The following KDM4C variants were observed in gnomAD, a reference collection of about 807,000 sequenced individuals.
The protein encoded by KDM4C is lysine demethylase 4C.
Under a neutral mutation model 129.3 loss-of-function variants are expected in KDM4C, and 81 were observed. The observed-to-expected ratio is 0.63, with a 90% confidence interval of 0.52 to 0.75. The LOEUF (loss-of-function observed/expected upper bound fraction) is 0.75. Ranked by LOEUF, KDM4C falls within the 30% of genes least tolerant of loss-of-function variation. KDM4C has a pLI of 0.00. For synonymous variants in KDM4C, 573 were observed against 456.1 expected, an observed-to-expected ratio of 1.26 and a Z score of -3.26; for missense variants, 1,457 against 1,304.0, an observed-to-expected ratio of 1.12 and a Z score of -1.81.
intron 17 of KDM4C, among the ~76,000 whole-genome samples, chr9:7,094,032 C>T (rs1189664682): frequency 6.6e-6 from 1 of 152,210 alleles, no homozygotes; most frequent in Non-Finnish European, 1.5e-5. Flanking sequence ...AAACCTCTTA[C>T]GTATGCTATC....
chr9:7,138,955 A>T (rs745517153), intron 19 of KDM4C, among the ~76,000 whole-genome samples: 1 of 152,170 alleles, frequency 6.6e-6, no homozygotes, highest in African/African-American at 2.4e-5. Flanking sequence ...AACATGCTAG[A>T]TATTTACTCT....
intron 1 of KDM4C, among the ~76,000 whole-genome samples, chr9:6,759,447 C>T (rs1818945543): frequency 6.6e-6 from 1 of 152,108 alleles, no homozygotes; most frequent in African/African-American, 2.4e-5. Context: ...TGCTTTCTTA[C>T]CTTGCTGGCC....
rs1292753421 is a variant in KDM4C, at chr9:6,729,881, G to A, written c.49+8884G>A. ...TCCCAGCACTTTGGGAGGGAGAGGCGGGCGGATCACCTGAGGTCAGGAGTT... is the reference window on the plus strand; with the variant it reads ...TCCCAGCACTTTGGGAGGGAGAGGCAGGCGGATCACCTGAGGTCAGGAGTT... On this transcript the variant is annotated intron_variant, in intron 1 of 17. Coordinates refer to the KDM4C transcript ENST00000536108. Among the ~76,000 whole-genome samples, 4 of 133,212 alleles carry A rather than the reference G, an allele frequency of 3.0e-5. 1 individual carries two copies. 87.4% of individuals were successfully genotyped at this position (133,212 alleles called of 152,430 possible).
At chr9:6,901,450 C>T (rs79752856) in intron 8 of KDM4C, among the ~76,000 whole-genome samples, 1,828 of 152,314 alleles carry the variant, frequency 0.012, 14 homozygotes, top group South Asian at 0.019. Flanking sequence ...CATGCAGTTC[C>T]TGTCCTTCAG....
chr9:6,792,052 T>C (rs1332560061), intron 1 of KDM4C, among the ~76,000 whole-genome samples: 3 of 151,780 alleles, frequency 2.0e-5, no homozygotes, highest in Non-Finnish European at 4.4e-5. Context: ...GAAAATTTAT[T>C]TTTACGTCTG....
intron 4 of KDM4C, among the ~76,000 whole-genome samples, chr9:6,845,694 C>T (rs779469038): frequency 6.6e-6 from 1 of 152,150 alleles, no homozygotes; most frequent in Non-Finnish European, 1.5e-5. Flanking sequence ...GGACAGGCTC[C>T]AACTGGGTAA....
At chr9:6,815,559 C>G (rs1401108516) in intron 4 of KDM4C, among the ~76,000 whole-genome samples, 1 of 152,122 alleles carries the variant, frequency 6.6e-6, no homozygotes, top group South Asian at 2.1e-4. Context: ...AAAGGTGGAA[C>G]TAGTGCAATA....
In KDM4C at chr9:7,102,309, CTTTTTTT is replaced by C. The variant is rs34614459; in HGVS notation, c.2425-1358_2425-1352del. On this transcript the variant is annotated intron_variant, in intron 17 of 21. Coordinates refer to ENST00000381309, the MANE Select transcript of KDM4C (RefSeq NM_015061.6). The stretch of plus-strand genomic sequence containing the variant: ...TGGCTCTTGCACCTCATGGTTTTCC[CTTTTTTT>C]TTTTTTTTTTTTTTTTTGGAGTGAC... 1.2e-3 allele frequency among the ~76,000 whole-genome samples: 110 copies of C among 89,994 alleles called. 1 individual carries two copies. Among genetic ancestry groups the C allele is most frequent in the Middle Eastern group, 0.012 (1 of 86 alleles). 59.0% of individuals were successfully genotyped at this position (89,994 alleles called of 152,430 possible).
intron 18 of KDM4C, among the ~76,000 whole-genome samples, chr9:7,108,310 C>T (rs1222653164): frequency 6.6e-6 from 1 of 152,120 alleles, no homozygotes; most frequent in Non-Finnish European, 1.5e-5. Context: ...GATCTCGACT[C>T]ACTGCAACCT....
intron 4 of KDM4C, among the ~76,000 whole-genome samples, chr9:6,817,248 TTGGCATGCAA>T (rs1832282573): frequency 1.6e-5 from 2 of 126,350 alleles, no homozygotes; most frequent in African/African-American, 3.0e-5. Context: ...GTCACCCAGG[TTGGCATGCAA>T]TGGCATGATC....
upstream of KDM4C, among the ~76,000 whole-genome samples, chr9:6,755,965 G>A (rs958482760): frequency 6.6e-6 from 1 of 152,102 alleles, no homozygotes; most frequent in South Asian, 2.1e-4. Flanking sequence ...AGTTAGCAAG[G>A]TTCGTATATC....
chr9:6,722,931 C>T (rs1406790208), intron 1 of KDM4C, among the ~76,000 whole-genome samples: 1 of 151,898 alleles, frequency 6.6e-6, no homozygotes. Flanking sequence ...TGCAGTGAGT[C>T]GAAATCGCAC....
At chr9:6,934,144 C>T (rs571559787) in intron 8 of KDM4C, among the ~76,000 whole-genome samples, 6 of 151,198 alleles carry the variant, frequency 4.0e-5, no homozygotes, top group African/African-American at 1.5e-4. Flanking sequence ...TGAGCCATTG[C>T]GCCTGGCCCA....
In KDM4C at chr9:7,102,541, G is replaced by T. The variant is rs558585056; in HGVS notation, c.2425-1144G>T. 1.9e-4 allele frequency among the ~76,000 whole-genome samples: 29 copies of T among 152,172 alleles called. No individual in the cohort carries two copies. The South Asian group carries it at 5.6e-3, about 29-fold the overall frequency. On this transcript the variant is annotated intron_variant, in intron 17 of 21. Transcript: ENST00000381309. Reference sequence around the variant, plus strand: ...CCGTGGGCGGAGGCAGTGGCAGTTGGTATAGATGGTAGGCAGAGATCAGAG... The same window carrying T: ...CCGTGGGCGGAGGCAGTGGCAGTTGTTATAGATGGTAGGCAGAGATCAGAG...
At chr9:7,172,632 G>T (rs76461643) in intron 21 of KDM4C, among the ~76,000 whole-genome samples, 1 of 152,206 alleles carries the variant, frequency 6.6e-6, no homozygotes, top group Non-Finnish European at 1.5e-5. Context: ...GGTGGTATGT[G>T]GGGGAAGCCG....
intron 15 of KDM4C, among the ~76,000 whole-genome samples, chr9:7,022,637 C>CTTTTTTTTTTTTTTTTTT (rs375675040): frequency 7.5e-6 from 1 of 133,960 alleles, no homozygotes. Context: ...CCCTTTATTT[C>CTTTTTTTTTTTTTTTTTT]TTTTTTTTTT....
chr9:7,169,901 G>A lies in KDM4C; in HGVS notation c.2994+11G>A. 6.2e-7 allele frequency: 1 copy of A among 1,613,854 alleles called. No individual in the cohort carries two copies. Among genetic ancestry groups the A allele is most frequent in the Non-Finnish European group, 8.5e-7 (1 of 1,179,836 alleles). On this transcript the variant is annotated intron_variant, in intron 21 of 21. Coordinates refer to ENST00000381309, the MANE Select transcript of KDM4C (RefSeq NM_015061.6). ...GTGAAAGCTCGATTTGTAAGTGCTG[G>A]CAGATGCCACTTGGGGACCTGCCAA...
intron 12 of KDM4C, among the ~76,000 whole-genome samples, chr9:6,991,964 A>G (rs1240771801): frequency 6.6e-6 from 1 of 152,176 alleles, no homozygotes; most frequent in Non-Finnish European, 1.5e-5. Flanking sequence ...AAGTAATAGA[A>G]GTAATGAAAC....
chr9:7,131,976 G>A (rs1017948460), intron 19 of KDM4C, among the ~76,000 whole-genome samples: 2 of 152,270 alleles, frequency 1.3e-5, no homozygotes, highest in South Asian at 2.1e-4. Context: ...CATATCAGAT[G>A]TGAGTGCCAC....
Sources: gnomAD v4.1 joint callset for allele counts (sites outside exome capture counted in the v4.1 genomes callset) on GRCh38, gnomAD v4.1.1 for gene constraint, MANE v1.5 for transcripts, NCBI Gene and HGNC (gene_info 2026-07-23, HGNC 2026-07-21) for gene names.